DAB1: variants seen among roughly 807,000 people sequenced by gnomAD.
DAB1 encodes disabled homolog 1.
DAB1 carries 15 observed loss-of-function variants against 64.6 expected under a neutral mutation model. That is an observed-to-expected ratio of 0.23 (90% CI 0.16 to 0.36). DAB1 has a LOEUF of 0.36. Ranked by LOEUF, DAB1 falls within the 10% of genes least tolerant of loss-of-function variation. The pLI is 1.00. For missense variants in DAB1, 596 were observed against 706.7 expected (o/e 0.84, Z 1.78); for synonymous variants, 235 against 251.9 (o/e 0.93, Z 0.64).
chr1:57,159,253 T>C (rs1660515959), intron 2 of DAB1, among the ~76,000 whole-genome samples: 1 of 152,192 alleles, frequency 6.6e-6, no homozygotes, highest in Non-Finnish European at 1.5e-5. Context: ...AATAAATTCT[T>C]AATAACAAAA....
At chr1:57,417,136 G>C (rs1017367044) in intron 1 of DAB1, among the ~76,000 whole-genome samples, 3 of 152,156 alleles carry the variant, frequency 2.0e-5, no homozygotes, top group Non-Finnish European at 4.4e-5. Context: ...CGTATGATCA[G>C]AGAAAGGTTA....
At chr1:57,298,457 T>C (rs1479177913) in intron 1 of DAB1, among the ~76,000 whole-genome samples, 1 of 152,172 alleles carries the variant, frequency 6.6e-6, no homozygotes, top group Non-Finnish European at 1.5e-5. Flanking sequence ...ATTCCTAGCT[T>C]TAAAACTTTG....
intron 2 of DAB1, among the ~76,000 whole-genome samples, chr1:57,168,578 C>A (rs1327557438): frequency 2.0e-5 from 3 of 152,188 alleles, no homozygotes; most frequent in African/African-American, 7.2e-5. Flanking sequence ...GTACCTGTCA[C>A]CTTCCCTTTC....
chr1:58,256,290 C>A (rs1206782731), intron 4 of DAB1, among the ~76,000 whole-genome samples: 8 of 152,228 alleles, frequency 5.3e-5, no homozygotes, highest in Non-Finnish European at 1.2e-4. Context: ...GGCGCCATGG[C>A]AGCTCTGTGA....
chr1:58,455,856 G>A (rs545524452), intron 3 of DAB1, among the ~76,000 whole-genome samples: 2 of 152,214 alleles, frequency 1.3e-5, no homozygotes, highest in Admixed American at 6.5e-5. Flanking sequence ...AGCATCTCTC[G>A]CAGAGCTGTG....
intron 4 of DAB1, among the ~76,000 whole-genome samples, chr1:58,204,597 GA>G (rs1238014729): frequency 6.6e-6 from 1 of 152,166 alleles, no homozygotes; most frequent in Non-Finnish European, 1.5e-5. Flanking sequence ...GAACCCCCAG[GA>G]GAGAATCAAT....
chr1:57,527,080 G>A (rs1269616505), intron 7 of DAB1, among the ~76,000 whole-genome samples: 1 of 152,090 alleles, frequency 6.6e-6, no homozygotes, highest in African/African-American at 2.4e-5. Flanking sequence ...CCAATCCAGT[G>A]CTCTTTCCAT....
intron 6 of DAB1, among the ~76,000 whole-genome samples, chr1:57,722,169 TTATGTAAAGCAATTCACA>T (rs1415382254): frequency 2.0e-5 from 3 of 151,512 alleles, no homozygotes; most frequent in African/African-American, 7.3e-5. Context: ...AATTCACACT[TTATGTAAAGCAATTCACA>T]CTTTATGTAA....
chr1:58,446,945 C>T (rs1346273247), intron 3 of DAB1, among the ~76,000 whole-genome samples: 1 of 152,212 alleles, frequency 6.6e-6, no homozygotes, highest in Non-Finnish European at 1.5e-5. Flanking sequence ...GTTTATTCCT[C>T]CCCAAACCCT....
intron 7 of DAB1, among the ~76,000 whole-genome samples, chr1:57,587,276 G>A (rs1408874299): frequency 6.6e-6 from 1 of 152,146 alleles, no homozygotes; most frequent in African/African-American, 2.4e-5. Context: ...AACATCTACA[G>A]GGTTTCACAG....
intron 6 of DAB1, among the ~76,000 whole-genome samples, chr1:57,680,100 T>C (rs779236581): frequency 4.6e-5 from 7 of 152,208 alleles, no homozygotes; most frequent in Non-Finnish European, 1.0e-4. Context: ...GGTCTTACAG[T>C]TTTTCATTTT....
chr1:58,172,810 C>A (rs929801158), intron 4 of DAB1, among the ~76,000 whole-genome samples: 19 of 152,198 alleles, frequency 1.2e-4, no homozygotes, highest in African/African-American at 3.9e-4. Flanking sequence ...TGGCAGTTGC[C>A]CGAGCCTTAG....
At chr1:57,786,993 A>C (rs1255979194) in intron 6 of DAB1, among the ~76,000 whole-genome samples, 1 of 152,196 alleles carries the variant, frequency 6.6e-6, no homozygotes, top group East Asian at 1.9e-4. Context: ...CCATTAAAAA[A>C]ACCAGTGAGA....
intron 7 of DAB1, among the ~76,000 whole-genome samples, chr1:57,627,990 C>T (rs1341824699): frequency 6.6e-6 from 1 of 152,164 alleles, no homozygotes; most frequent in African/African-American, 2.4e-5. Context: ...TTATTACCTC[C>T]CTGGGAAGGC....
In DAB1 at chr1:57,620,599, G is replaced by A. The variant is rs550003166; in HGVS notation, n.625+28993C>T. Among the ~76,000 whole-genome samples the A allele has an allele frequency of 5.3e-5, 8 of 152,318 alleles. No individual in the cohort carries two copies. In the East Asian group the frequency reaches 7.7e-4, roughly 15 times the overall value. On this transcript the variant is annotated intron_variant and non_coding_transcript_variant, in intron 7 of 20. Coordinates refer to the DAB1 transcript ENST00000485760. The stretch of plus-strand genomic sequence containing the variant: ...AAGGGAAGGGGTTGGATTAAAGAGG[G>A]CTTTGAGATAAGAGGTACCCAACAT...
At chr1:58,132,593 G>C (rs79289535) in intron 5 of DAB1, among the ~76,000 whole-genome samples, 1,626 of 152,240 alleles carry the variant, frequency 0.011, 31 homozygotes, top group African/African-American at 0.038. Context: ...GAAACATCTC[G>C]ATCTATCAAC....
chr1:58,401,336 A>T (rs1644566880), intron 3 of DAB1, among the ~76,000 whole-genome samples: 1 of 152,112 alleles, frequency 6.6e-6, no homozygotes, highest in African/African-American at 2.4e-5. Flanking sequence ...TGTCTCTCAG[A>T]TGTTGAGGGC....
chr1:57,131,640 GT>G (rs1011873492), intron 4 of DAB1, among the ~76,000 whole-genome samples: 4 of 152,168 alleles, frequency 2.6e-5, no homozygotes, highest in African/African-American at 9.7e-5. Context: ...GAACAGACTT[GT>G]TTTTGATGAG....
chr1:57,106,263 C>CCCA (rs1655145059), intron 4 of DAB1, among the ~76,000 whole-genome samples: 2 of 151,490 alleles, frequency 1.3e-5, no homozygotes, highest in African/African-American at 4.9e-5. Flanking sequence ...TAACACCCCC[C>CCCA]CCCATCAGTA....
Sources: allele counts gnomAD v4.1 joint callset (sites outside exome capture counted in the v4.1 genomes callset), GRCh38; gene constraint gnomAD v4.1.1; transcripts MANE v1.5; gene names NCBI Gene and HGNC (gene_info 2026-07-23, HGNC 2026-07-21).